MEIS1: variants seen among roughly 807,000 people sequenced by gnomAD.
The protein encoded by MEIS1 is Meis homeobox 1.
Under a neutral mutation model 50.8 loss-of-function variants are expected in MEIS1, and 5 were observed. That is an observed-to-expected ratio of 0.10 (90% confidence interval 0.05 to 0.21). The LOEUF is 0.21. MEIS1 is among the 10% of genes least tolerant of loss of function. MEIS1 has a pLI of 1.00. For synonymous variants in MEIS1, 176 were observed against 179.3 expected, an observed-to-expected ratio of 0.98 and a Z score of 0.15; for missense variants, 318 against 517.3, an observed-to-expected ratio of 0.61 and a Z score of 3.74.
In MEIS1 at chr2:66,435,750, T is replaced by C. The variant is rs1671783075; in HGVS notation, c.-107T>C. ...AAGGGATTTTTCGTCGTGCTTTTTT[T>C]TTTTTTTTTTTTTTTTTCCGGGGGA... On this transcript the variant is annotated 5_prime_UTR_variant, in exon 1 of 13. Coordinates refer to ENST00000272369, the MANE Select transcript of MEIS1 (RefSeq NM_002398.3). The C allele has an allele frequency of 2.6e-6, 2 of 777,716 alleles. No individual in the cohort carries two copies. The highest frequency in any genetic ancestry group is 4.2e-5 in the South Asian group (2 of 47,342). The allele number at this position is 777,716 out of a possible 1,614,324, so 48.2% of individuals were successfully genotyped here.
At chr2:66,551,576 A>T (rs1044231363) in intron 9 of MEIS1, among the ~76,000 whole-genome samples, 3 of 152,104 alleles carry the variant, frequency 2.0e-5, no homozygotes, top group Non-Finnish European at 2.9e-5. Flanking sequence ...ATGCCAATAA[A>T]TTTTTTGAGA....
chr2:66,487,418 ATATT>A (rs1236743906), intron 7 of MEIS1, among the ~76,000 whole-genome samples: 2 of 152,208 alleles, frequency 1.3e-5, no homozygotes, highest in East Asian at 3.8e-4. Flanking sequence ...TGAAAAAAGA[ATATT>A]TAGGAATCCA....
At chr2:66,440,008 G>T in intron 3 of MEIS1, 24 bp downstream of exon 3, 1 of 1,566,714 alleles carries the variant, frequency 6.4e-7, no homozygotes. Context: ...ATGTTAAAAA[G>T]TAAAAGAAAC....
intron 8 of MEIS1, among the ~76,000 whole-genome samples, chr2:66,540,964 G>A (rs1674635806): frequency 6.6e-6 from 1 of 151,884 alleles, no homozygotes; most frequent in African/African-American, 2.4e-5. Context: ...CTATTTAATT[G>A]ATATTTAGGA....
intron 8 of MEIS1, among the ~76,000 whole-genome samples, chr2:66,529,952 A>G (rs890174038): frequency 6.6e-6 from 1 of 152,224 alleles, no homozygotes; most frequent in Non-Finnish European, 1.5e-5. Flanking sequence ...GGGACTGATT[A>G]ATGAAGCAAG....
intron 2 of MEIS1, chr2:66,439,398 T>G: frequency 1.6e-6 from 2 of 1,254,734 alleles, no homozygotes; most frequent in East Asian, 6.3e-5. Context: ...CCCCCGAGCC[T>G]GGGCTTCGCG....
At chr2:66,513,440 G>A (rs1034020148) in intron 8 of MEIS1, among the ~76,000 whole-genome samples, 1 of 151,982 alleles carries the variant, frequency 6.6e-6, no homozygotes, top group Non-Finnish European at 1.5e-5. Flanking sequence ...TGAGTTTTAC[G>A]GGTACAGAGA....
intron 8 of MEIS1, among the ~76,000 whole-genome samples, chr2:66,547,069 A>T (rs938555287): frequency 6.6e-6 from 1 of 152,152 alleles, no homozygotes; most frequent in Admixed American, 6.6e-5. Flanking sequence ...AAGCAAGCTA[A>T]TGTCTCTATA....
At position 66,571,690 on chromosome 2, in the gene MEIS1, T is replaced by C; in HGVS notation, c.*482T>C. On this transcript the variant is annotated 3_prime_UTR_variant, in exon 13 of 13. Coordinates refer to ENST00000272369, the MANE Select transcript of MEIS1 (RefSeq NM_002398.3). Reference sequence around the variant, plus strand: ...AGCAGGAAATACCAACTGAAGTCAATTTGGGGGACATGCTAAATAACTATA... The same window carrying C: ...AGCAGGAAATACCAACTGAAGTCAACTTGGGGGACATGCTAAATAACTATA... 5.5e-6 allele frequency: 4 copies of C among 730,204 alleles called. No individual in the cohort carries two copies. The highest frequency in any genetic ancestry group is 8.9e-6 in the Non-Finnish European group (4 of 450,184). 45.2% of individuals were successfully genotyped at this position (730,204 alleles called of 1,614,324 possible).
At chr2:66,514,542 G>T (rs2103858196) in intron 8 of MEIS1, among the ~76,000 whole-genome samples, 1 of 152,302 alleles carries the variant, frequency 6.6e-6, no homozygotes, top group African/African-American at 2.4e-5. Context: ...GGAAGGGGAA[G>T]CCCATTCATC....
chr2:66,526,364 T>C (rs887548625), intron 8 of MEIS1, among the ~76,000 whole-genome samples: 8 of 152,308 alleles, frequency 5.3e-5, no homozygotes, highest in African/African-American at 1.7e-4. Flanking sequence ...CTGGACCCCT[T>C]AGATGTCATT....
intron 3 of MEIS1, 58 bp downstream of exon 3, chr2:66,440,042 AACACACACGCGCGCGCGCGCGCGCGAAC>A (rs1354126429): frequency 1.4e-4 from 196 of 1,409,394 alleles, no homozygotes; most frequent in Non-Finnish European, 1.8e-4. Flanking sequence ...CCCCTTCGCC[AACACACACGCGCGCGCGCGCGCGCGAAC>A]ACACACACAC....
intron 7 of MEIS1, among the ~76,000 whole-genome samples, chr2:66,483,046 A>G (rs1673055088): frequency 6.6e-6 from 1 of 152,222 alleles, no homozygotes; most frequent in Non-Finnish European, 1.5e-5. Context: ...TGCTGAGAAC[A>G]TTAAACAAGT....
intron 1 of MEIS1, among the ~76,000 whole-genome samples, chr2:66,436,689 C>T (rs1389786326): frequency 6.6e-6 from 1 of 152,170 alleles, no homozygotes; most frequent in East Asian, 1.9e-4. Context: ...AGCGTTCTTC[C>T]AAACTCTTTT....
chr2:66,448,230 T>A (rs941317647), intron 6 of MEIS1, among the ~76,000 whole-genome samples: 9 of 152,200 alleles, frequency 5.9e-5, no homozygotes, highest in African/African-American at 2.2e-4. Context: ...TGAAAATATA[T>A]AAATTTTAAA....
chr2:66,470,580 A>G (rs778018948), intron 7 of MEIS1, among the ~76,000 whole-genome samples: 2 of 152,188 alleles, frequency 1.3e-5, no homozygotes, highest in Non-Finnish European at 2.9e-5. Context: ...AAATAACTTC[A>G]TCATCTAAAA....
chr2:66,459,030 G>A (rs1396989792), intron 6 of MEIS1, among the ~76,000 whole-genome samples: 1 of 152,176 alleles, frequency 6.6e-6, no homozygotes, highest in Non-Finnish European at 1.5e-5. Flanking sequence ...GACAGGCACA[G>A]CAGGTCATCA....
rs546729785 is a variant in MEIS1 at position 66,469,347 on chromosome 2, A to G, written c.742+5127A>G. 2.6e-5 allele frequency among the ~76,000 whole-genome samples: 4 copies of G among 152,222 alleles called. No individual in the cohort carries two copies. The South Asian group carries it at 8.3e-4, about 32-fold the overall frequency. On this transcript the variant is annotated intron_variant, in intron 7 of 12. Coordinates refer to ENST00000272369, the MANE Select transcript of MEIS1 (RefSeq NM_002398.3). ...GCTTTTGTGTGAGTCCAGGCAACCT[A>G]TAGGCAGAAGGCAATTCCATTTATT...
At chr2:66,478,271 G>A (rs1443690074) in intron 7 of MEIS1, among the ~76,000 whole-genome samples, 2 of 152,072 alleles carry the variant, frequency 1.3e-5, no homozygotes, top group African/African-American at 4.8e-5. Flanking sequence ...TACATAGCGA[G>A]AAGTGGAAGC....
Sources: allele counts gnomAD v4.1 joint callset (sites outside exome capture counted in the v4.1 genomes callset), GRCh38; gene constraint gnomAD v4.1.1; transcripts MANE v1.5; gene names NCBI Gene and HGNC (gene_info 2026-07-23, HGNC 2026-07-21).